The following CDC42SE2 variants were observed in gnomAD, a reference collection of about 807,000 sequenced individuals.
CDC42SE2 encodes CDC42 small effector protein 2.
Under a neutral mutation model 11.5 loss-of-function variants are expected in CDC42SE2, and 3 were observed. The ratio of observed to expected loss-of-function variants is 0.26; its 90% CI spans 0.12 to 0.67. The LOEUF is 0.67. Ranked by LOEUF, CDC42SE2 falls within the 30% of genes least tolerant of loss-of-function variation. CDC42SE2 has a pLI of 0.80. For synonymous variants in CDC42SE2, 33 were observed against 34.8 expected, an observed-to-expected ratio of 0.95 and a Z score of 0.18; for missense variants, 82 against 106.8, an observed-to-expected ratio of 0.77 and a Z score of 1.02.
At chr5:131,347,607 C>T (rs981210693) in intron 2 of CDC42SE2, among the ~76,000 whole-genome samples, 4 of 152,164 alleles carry the variant, frequency 2.6e-5, no homozygotes, top group African/African-American at 9.7e-5. Flanking sequence ...TGAAACTACT[C>T]CAATCAATAG....
chr5:131,341,402 G>A (rs2149752920), intron 2 of CDC42SE2, among the ~76,000 whole-genome samples: 1 of 152,206 alleles, frequency 6.6e-6, no homozygotes, highest in East Asian at 1.9e-4. Flanking sequence ...AAATCCTGAG[G>A]GAAAGATTTT....
At chr5:131,300,094 T>C (rs1040341620) in intron 1 of CDC42SE2, among the ~76,000 whole-genome samples, 1 of 152,222 alleles carries the variant, frequency 6.6e-6, no homozygotes, top group African/African-American at 2.4e-5. Flanking sequence ...CTTAGAGAAC[T>C]AGAATATTAA....
chr5:131,318,785 A>G (rs1312639734), intron 2 of CDC42SE2, among the ~76,000 whole-genome samples: 11 of 152,170 alleles, frequency 7.2e-5, no homozygotes, highest in Admixed American at 5.9e-4. Context: ...ATCTTTCTCA[A>G]CCCTCAATTA....
chr5:131,264,130 G>C lies in CDC42SE2; in HGVS notation c.-491G>C, dbSNP rs886326490. ...AGCCGCGGAGCCGGCGCTGAGAGGG[G>C]CTGCGGCCGGAGCGGGCGGCTGAGA... On this transcript the variant is annotated 5_prime_UTR_variant, in exon 1 of 5. Transcript: ENST00000505065. The C allele has an allele frequency of 6.6e-6, 1 of 152,324 alleles. No individual in the cohort carries two copies. The highest frequency in any genetic ancestry group is 1.5e-5 in the Non-Finnish European group (1 of 68,170). The allele number at this position is 152,324 out of a possible 1,614,324, so 9.4% of individuals were successfully genotyped here. A position where few individuals can be genotyped will look rare whatever the true frequency, so the allele number is the denominator to read the frequency against.
chr5:131,360,948 T>C (rs1749687678), intron 3 of CDC42SE2, among the ~76,000 whole-genome samples: 1 of 151,976 alleles, frequency 6.6e-6, no homozygotes, highest in South Asian at 2.1e-4. Flanking sequence ...TTTCTAACTC[T>C]ATTGGTGATG....
chr5:131,363,224 G>C (rs2149773479), intron 3 of CDC42SE2, among the ~76,000 whole-genome samples: 1 of 150,634 alleles, frequency 6.6e-6, no homozygotes, highest in South Asian at 2.1e-4. Flanking sequence ...ATACTGGTCA[G>C]CTTCTAAGGT....
At chr5:131,261,446 CAT>C (rs929819440), upstream of CDC42SE2, 2 of 152,116 alleles carry the variant, frequency 1.3e-5, no homozygotes, top group African/African-American at 2.4e-5. Flanking sequence ...CAAATTGTAA[CAT>C]GTAATCTGTA....
At chr5:131,329,006 C>T (rs992957702) in intron 2 of CDC42SE2, among the ~76,000 whole-genome samples, 1 of 152,220 alleles carries the variant, frequency 6.6e-6, no homozygotes, top group Non-Finnish European at 1.5e-5. Context: ...TCCCCTGCCC[C>T]TTGTACAAGG....
intron 3 of CDC42SE2, among the ~76,000 whole-genome samples, chr5:131,369,391 G>A (rs1399763540): frequency 1.3e-5 from 2 of 152,146 alleles, no homozygotes; most frequent in Admixed American, 6.5e-5. Flanking sequence ...ATTTGTGTAT[G>A]TGTAGCCTGG....
intron 3 of CDC42SE2, among the ~76,000 whole-genome samples, chr5:131,362,089 C>T (rs537815219): frequency 9.2e-5 from 14 of 152,210 alleles, no homozygotes; most frequent in African/African-American, 3.4e-4. Flanking sequence ...CTATGTTTGT[C>T]CGTGGGGGTG....
chr5:131,315,532 G>A (rs1480549259), intron 1 of CDC42SE2, among the ~76,000 whole-genome samples: 1 of 152,202 alleles, frequency 6.6e-6, no homozygotes, highest in Admixed American at 6.5e-5. Context: ...CCCATCCACA[G>A]GGTTAGTTAG....
intron 1 of CDC42SE2, among the ~76,000 whole-genome samples, chr5:131,245,920 T>C (rs1756577709): frequency 6.6e-6 from 1 of 152,224 alleles, no homozygotes; most frequent in South Asian, 2.1e-4. Flanking sequence ...CTTCACATTT[T>C]GTCCTTTTGC....
intron 1 of CDC42SE2, among the ~76,000 whole-genome samples, chr5:131,285,091 C>A (rs1302410520): frequency 6.6e-6 from 1 of 150,982 alleles, no homozygotes; most frequent in East Asian, 1.9e-4. Flanking sequence ...AGTTTGAGAC[C>A]AGCTTGGACA....
At chr5:131,328,688 T>G (rs1758347518) in intron 2 of CDC42SE2, among the ~76,000 whole-genome samples, 1 of 152,232 alleles carries the variant, frequency 6.6e-6, no homozygotes, top group Non-Finnish European at 1.5e-5. Context: ...TGAGTCATCC[T>G]TCTTTCACAG....
At chr5:131,280,423 T>A (rs1757215254) in intron 1 of CDC42SE2, among the ~76,000 whole-genome samples, 1 of 152,212 alleles carries the variant, frequency 6.6e-6, no homozygotes, top group South Asian at 2.1e-4. Context: ...TTAACGAATA[T>A]TATCATAAAA....
chr5:131,268,272 A>G (rs1756914318), intron 1 of CDC42SE2, among the ~76,000 whole-genome samples: 1 of 151,646 alleles, frequency 6.6e-6, no homozygotes, highest in African/African-American at 2.4e-5. Flanking sequence ...CATGGTCATC[A>G]GGCTGATCTC....
intron 1 of CDC42SE2, among the ~76,000 whole-genome samples, chr5:131,275,081 A>G (rs1471319424): frequency 6.6e-6 from 1 of 152,210 alleles, no homozygotes; most frequent in African/African-American, 2.4e-5. Flanking sequence ...AAGTGAAAAT[A>G]CACAGTAAAA....
At chr5:131,353,975 C>T (rs1450904545) in intron 2 of CDC42SE2, among the ~76,000 whole-genome samples, 8 of 151,974 alleles carry the variant, frequency 5.3e-5, no homozygotes, top group Non-Finnish European at 7.4e-5. Flanking sequence ...CATTGTGGCT[C>T]ATGCCTCTAA....
intron 1 of CDC42SE2, among the ~76,000 whole-genome samples, chr5:131,291,771 T>G (rs923371561): frequency 6.6e-6 from 1 of 152,186 alleles, no homozygotes; most frequent in Non-Finnish European, 1.5e-5. Flanking sequence ...AATACTGATA[T>G]AACAAACACC....
Sources: allele counts gnomAD v4.1 joint callset (sites outside exome capture counted in the v4.1 genomes callset), GRCh38; gene constraint gnomAD v4.1.1; transcripts MANE v1.5; gene names NCBI Gene and HGNC (gene_info 2026-07-23, HGNC 2026-07-21).